ZNF226: variants seen among roughly 807,000 people sequenced by gnomAD.
ZNF226 encodes zinc finger protein 226, also known as Kruppel-associated box protein.
Under a neutral mutation model 11.4 loss-of-function variants are expected in ZNF226, and 6 were observed. The observed-to-expected ratio is 0.53, with a 90% CI of 0.29 to 1.04. The LOEUF is 1.04. Among genes scored for constraint, ZNF226 ranks in the 50% least tolerant of loss-of-function variants. ZNF226 has a pLI of 0.08. For missense variants in ZNF226, 1,058 were observed against 956.5 expected (o/e 1.11, Z -1.40); for synonymous variants, 350 against 322.8 (o/e 1.08, Z -0.90).
In ZNF226 at chr19:44,175,424, T is replaced by G. The variant is rs200146936; in HGVS notation, c.236-74T>G. On this transcript the variant is annotated intron_variant, in intron 5 of 5. Coordinates refer to ENST00000337433, the MANE Select transcript of ZNF226 (RefSeq NM_001032373.2). The stretch of plus-strand genomic sequence containing the variant: ...CCCGAGGTTCATTAAAGTCTTTTAC[T>G]CTGTCCTCAGTGTGAAATCTTAAAT... 4.0e-6 allele frequency: 6 copies of G among 1,503,658 alleles called. No individual in the cohort carries two copies. The East Asian group carries it at 6.8e-5, about 17-fold the overall frequency. The allele number at this position is 1,503,658 out of a possible 1,614,324, so 93.1% of individuals were successfully genotyped here.
In ZNF226 at chr19:44,176,540, G is replaced by C; in HGVS notation, c.1278G>C (p.Lys426Asn). The change falls in exon 6 of 6, where the codon AAG (lysine) becomes AAC (asparagine). Residue 426 changes from lysine (K) to asparagine (N), a missense_variant. Lys to Asn is a moderately conservative substitution (Grantham distance 94). Coordinates refer to ENST00000337433, the MANE Select transcript of ZNF226 (RefSeq NM_001032373.2). ...CATACAAATGTGAGGAGTGTGGTAA[G>C]GGCTTCATTTGTAGCTCAAATCTTT... Reference protein sequence around the residue: ...EKPYKCEECGKGFICSSNLYI... With the variant: ...EKPYKCEECGNGFICSSNLYI... 6.2e-7 allele frequency: 1 copy of C among 1,614,160 alleles called. No homozygotes were observed. The highest frequency in any genetic ancestry group is 8.5e-7 in the Non-Finnish European group (1 of 1,180,010).
intron 2 of ZNF226, 59 bp downstream of exon 2, chr19:44,165,866 T>C (rs1373853958): frequency 6.6e-6 from 1 of 152,186 alleles, no homozygotes; most frequent in Non-Finnish European, 1.5e-5. Flanking sequence ...ATGTGTGGGG[T>C]CATGTATTTG....
rs1285583742 is a variant in ZNF226 at position 44,176,329 on chromosome 19, T to G, written c.1067T>G (p.Val356Gly). ...TCAGCACTTAATGTTCATTGCAAGG[T>G]CCACACGGCAGAGAAACCTTATAAT... ...RRSALNVHCK[V>G]HTAEKPYNCE... Residue 356 changes from valine (V) to glycine (G), a missense_variant, in exon 6 of 6, where the codon GTC (valine) becomes GGC (glycine). Val to Gly is a moderately radical substitution (Grantham distance 109). Coordinates refer to ENST00000337433, the MANE Select transcript of ZNF226 (RefSeq NM_001032373.2). 4.3e-6 allele frequency: 7 copies of G among 1,614,044 alleles called. No individual in the cohort carries two copies. Among genetic ancestry groups the G allele is most frequent in the African/African-American group, 1.3e-5 (1 of 74,914 alleles).
chr19:44,175,793 C>A lies in ZNF226; in HGVS notation c.531C>A (p.Phe177Leu), dbSNP rs1284269453. 5 of 1,613,536 alleles carry A rather than the reference C, an allele frequency of 3.1e-6. No homozygotes were observed. The Admixed American group carries it at 5.0e-5, about 16-fold the overall frequency. Residue 177 changes from phenylalanine to leucine, a missense_variant, in exon 6 of 6, where the codon TTC (phenylalanine) becomes TTA (leucine). Transcript: ENST00000337433. ...CCCAGGATTCTTGGAGGAAAACATT[C>A]CTGACTGAGTCACAGAGATTGAACA... is the stretch of plus-strand genomic sequence containing the variant. ...LRTQDSWRKT[F>L]LTESQRLNRD...
At chr19:44,191,353 C>G in the ZNF226 span, among the ~76,000 whole-genome samples, 1 of 152,054 alleles carries the variant, frequency 6.6e-6, no homozygotes, top group African/African-American at 2.4e-5. Flanking sequence ...AAGGTAACAA[C>G]CAGAATCGTG....
At position 44,170,093 on chromosome 19, in the gene ZNF226, A is replaced by G; in HGVS notation, c.13A>G (p.Lys5Glu). 1.2e-6 allele frequency: 2 copies of G among 1,612,790 alleles called. No homozygotes were observed. The highest frequency in any genetic ancestry group is 1.7e-6 in the Non-Finnish European group (2 of 1,179,260). Reference sequence around the variant, plus strand: ...GGAAGAATTAAAAATGAATATGTTCAAGGTGAGTAGAGCTTGCCTTTCCCA... The same window carrying G: ...GGAAGAATTAAAAATGAATATGTTCGAGGTGAGTAGAGCTTGCCTTTCCCA... Reference protein sequence around the residue: MNMFKEAVTFKDVAV... With the variant: MNMFEEAVTFKDVAV... Residue 5 changes from lysine (K) to glutamate (E), a missense_variant and splice_region_variant, in exon 3 of 6, where the codon AAG becomes GAG. Lys to Glu is a moderately conservative substitution (Grantham distance 56). Coordinates refer to ENST00000337433, the MANE Select transcript of ZNF226 (RefSeq NM_001032373.2).
downstream of ZNF226, among the ~76,000 whole-genome samples, chr19:44,180,116 A>G (rs1467487021): frequency 6.7e-6 from 1 of 149,812 alleles, no homozygotes. Flanking sequence ...AAAAAACCCA[A>G]GAAGGTGAGG....
chr19:44,166,079 T>C (rs1293478944), intron 2 of ZNF226, among the ~76,000 whole-genome samples: 2 of 152,220 alleles, frequency 1.3e-5, no homozygotes, highest in African/African-American at 4.8e-5. Context: ...CGAGGCAGTC[T>C]GAGTCTAGAC....
intron 3 of ZNF226, among the ~76,000 whole-genome samples, chr19:44,171,506 C>G (rs1053517320): frequency 3.3e-5 from 5 of 152,182 alleles, no homozygotes; most frequent in Non-Finnish European, 7.4e-5. Context: ...TACACTCTGC[C>G]CCTGTATTGA....
the ZNF226 span, among the ~76,000 whole-genome samples, chr19:44,186,887 T>TA: frequency 0.17 from 25,586 of 149,076 alleles, 2,883 homozygotes; most frequent in African/African-American, 0.32. Flanking sequence ...TTTTTTTTTT[T>TA]AATCATGAAA....
the ZNF226 span, among the ~76,000 whole-genome samples, chr19:44,187,902 C>G: frequency 6.6e-6 from 1 of 152,054 alleles, no homozygotes; most frequent in Non-Finnish European, 1.5e-5. The surrounding 1 kb of genome is among the most constrained non-coding windows in gnomAD (Gnocchi z 4.0). Flanking sequence ...TTTAAGCATG[C>G]ATTGTTTAAT....
In ZNF226 at chr19:44,177,495, C is replaced by G. The variant is rs1970804924; in HGVS notation, c.2233C>G (p.His745Asp). 6.2e-7 allele frequency: 1 copy of G among 1,614,160 alleles called. No homozygotes were observed. The highest frequency in any genetic ancestry group is 1.1e-5 in the South Asian group (1 of 91,090). Reference protein sequence around the residue: ...VFSRSSQLQSHQRVHTGEKPY... With the variant: ...VFSRSSQLQSDQRVHTGEKPY... The stretch of plus-strand genomic sequence containing the variant: ...CAGTCGGTCTTCACAACTACAGTCT[C>G]ATCAGCGAGTTCACACTGGGGAGAA... Residue 745 changes from histidine (H) to aspartate (D), a missense_variant, in exon 6 of 6, where the codon CAT (histidine) becomes GAT (aspartate). Coordinates refer to ENST00000337433, the MANE Select transcript of ZNF226 (RefSeq NM_001032373.2).
At chr19:44,183,929 T>G in the ZNF226 span, among the ~76,000 whole-genome samples, 1 of 152,186 alleles carries the variant, frequency 6.6e-6, no homozygotes, top group Non-Finnish European at 1.5e-5. Flanking sequence ...TACTTTCCAG[T>G]ATTTTTCACA....
chr19:44,172,542 A>G (rs1291778578), intron 4 of ZNF226: 4 of 425,472 alleles, frequency 9.4e-6, no homozygotes, highest in Non-Finnish European at 1.7e-5. Flanking sequence ...AAAATACTAG[A>G]ACTCCTTAGG....
intron 3 of ZNF226, among the ~76,000 whole-genome samples, chr19:44,170,484 C>T (rs1200413410): frequency 6.6e-6 from 1 of 152,134 alleles, no homozygotes; most frequent in Non-Finnish European, 1.5e-5. Context: ...CGCCTGTAAT[C>T]CCAGCACTTT....
At chr19:44,168,470 A>G (rs1969661752) in intron 2 of ZNF226, among the ~76,000 whole-genome samples, 1 of 152,192 alleles carries the variant, frequency 6.6e-6, no homozygotes, top group Non-Finnish European at 1.5e-5. Flanking sequence ...TTTCCAGTCT[A>G]ATTGTATGCA....
chr19:44,175,443 C>A, intron 5 of ZNF226, 55 bp from the exon 6 acceptor site: 1 of 1,523,140 alleles, frequency 6.6e-7, no homozygotes, highest in Non-Finnish European at 8.8e-7. Context: ...AGTGTGAAAT[C>A]TTAAATCTTT....
chr19:44,184,040 A>G, the ZNF226 span, among the ~76,000 whole-genome samples: 4 of 152,210 alleles, frequency 2.6e-5, no homozygotes, highest in Admixed American at 2.6e-4. Context: ...CAGTTTTTAC[A>G]TATTACCCAG....
the ZNF226 span, among the ~76,000 whole-genome samples, chr19:44,191,008 A>G: frequency 2.0e-5 from 3 of 152,212 alleles, no homozygotes; most frequent in Non-Finnish European, 4.4e-5. Flanking sequence ...AAAACCAACA[A>G]TGTTTAAATT....
Sources: gnomAD v4.1 joint callset for allele counts (sites outside exome capture counted in the v4.1 genomes callset) on GRCh38, gnomAD v4.1.1 for gene constraint, Gnocchi (gnomAD v3.1) non-coding constraint, MANE v1.5 for transcripts, NCBI Gene and HGNC (gene_info 2026-07-23, HGNC 2026-07-21) for gene names.